Variants in NCBP2L observed in about 807,000 individuals in gnomAD.
The protein encoded by NCBP2L is nuclear cap binding protein subunit 2 like.
For synonymous variants in NCBP2L, 39 were observed against 19.2 expected (o/e 2.04, Z -2.70); for missense variants, 95 against 53.1 (o/e 1.79, Z -2.45).
At chrX:107,780,338 C>T (rs1395858114) in intron 1 of NCBP2L, among the ~76,000 whole-genome samples, 7 of 111,319 alleles carry the variant, frequency 6.3e-5, no homozygotes, top group Non-Finnish European at 1.3e-4. Context: ...GAGTTCTAGA[C>T]CAACCTCCTT....
At chrX:107,781,676 A>ATCTATCTATCTATCTATCTCTCTCTC (rs1380779020) in intron 1 of NCBP2L, among the ~76,000 whole-genome samples, 20 of 55,877 alleles carry the variant, frequency 3.6e-4, no homozygotes, top group African/African-American at 1.8e-3. Flanking sequence ...CTATCTATCT[A>ATCTATCTATCTATCTATCTCTCTCTC]TCTCTCTCTC....
At chrX:107,793,158 C>T (rs1930474732) in intron 1 of NCBP2L, among the ~76,000 whole-genome samples, 1 of 112,075 alleles carries the variant, frequency 8.9e-6, no homozygotes, top group African/African-American at 3.2e-5. Context: ...TAAGGGAATG[C>T]ACTTCCTTAG....
At chrX:107,789,134 C>A (rs1323183988) in intron 1 of NCBP2L, among the ~76,000 whole-genome samples, 9 of 109,438 alleles carry the variant, frequency 8.2e-5, no homozygotes, top group Non-Finnish European at 1.5e-4. Flanking sequence ...TGTCCTAACC[C>A]CACCCTGCCA....
chrX:107,783,799 T>C (rs776890232), intron 1 of NCBP2L, among the ~76,000 whole-genome samples: 13 of 111,178 alleles, frequency 1.2e-4, no homozygotes, highest in African/African-American at 4.3e-4. Context: ...GGAGGCCATA[T>C]ATTATTACAT....
chrX:107,794,261 T>TGG lies in NCBP2L; in HGVS notation c.42_43dup (p.Glu15GlyfsTer3). The TGG allele has an allele frequency of 3.5e-6, 2 of 564,237 alleles. No homozygotes were observed. Among genetic ancestry groups the TGG allele is most frequent in the South Asian group, 4.6e-5 (2 of 43,522 alleles). The allele number at this position is 564,237 out of a possible 1,213,427, so 46.5% of individuals were successfully genotyped here. ...AAAATTCTATGTAAAGACCCTGCTT[T>TGG]GGAGCTGAGCTGCTACCGGGACCAT... On this transcript the variant is annotated frameshift_variant, in exon 2 of 2. Transcript: ENST00000509000. LOFTEE classifies it low-confidence loss of function (END_TRUNC).
intron 1 of NCBP2L, 113 bp downstream of exon 1, chrX:107,777,971 A>T (rs1930209485): frequency 9.1e-6 from 1 of 109,498 alleles, no homozygotes; most frequent in South Asian, 3.9e-4. Flanking sequence ...CTCAAAAGCA[A>T]ACCCTTTAGA....
chrX:107,779,270 T>C (rs932358019), intron 1 of NCBP2L, among the ~76,000 whole-genome samples: 1 of 112,368 alleles, frequency 8.9e-6, no homozygotes, highest in Admixed American at 9.4e-5. Context: ...TAATGTGACA[T>C]AAAATTGTGA....
intron 1 of NCBP2L, among the ~76,000 whole-genome samples, chrX:107,784,460 T>C (rs1454371004): frequency 9.0e-6 from 1 of 110,828 alleles, no homozygotes; most frequent in South Asian, 3.8e-4. Flanking sequence ...TCATATTACA[T>C]GAAATTACAT....
rs1347178005 is a variant in NCBP2L at position 107,781,789 on chromosome X, T to G, written c.-73+3931T>G. Among the ~76,000 whole-genome samples the G allele has an allele frequency of 3.0e-5, 3 of 99,644 alleles. No individual in the cohort carries two copies. In the East Asian group the frequency reaches 9.2e-4, roughly 30 times the overall value. The allele number at this position is 99,644 out of a possible 115,157, so 86.5% of individuals were successfully genotyped here. A position where few individuals can be genotyped will look rare whatever the true frequency, so the allele number is the denominator to read the frequency against. On this transcript the variant is annotated intron_variant, in intron 1 of 1. Transcript: ENST00000509000. The stretch of plus-strand genomic sequence containing the variant: ...ATATCTATATATATAGATCTATAGA[T>G]ATCTATATTTATATATAGATATCTA...
rs1419626673 is a variant in NCBP2L at position 107,782,302 on chromosome X, TATATATATAA to T, written c.-73+4454_-73+4463del. Among the ~76,000 whole-genome samples, 58 of 29,624 alleles carry T rather than the reference TATATATATAA, an allele frequency of 2.0e-3. 11 individuals carry two copies. The highest frequency in any genetic ancestry group is 0.018 in the African/African-American group (53 of 2,963). 25.7% of individuals were successfully genotyped at this position (29,624 alleles called of 115,157 possible). ...ATATATATAAATATATATATATAAA[TATATATATAA>T]ATATATATATATAAATATATATATA... On this transcript the variant is annotated intron_variant, in intron 1 of 1. Coordinates refer to ENST00000509000, the MANE Select transcript of NCBP2L (RefSeq NM_001348372.2).
At chrX:107,790,451 G>A (rs1258135537) in intron 1 of NCBP2L, among the ~76,000 whole-genome samples, 1 of 110,427 alleles carries the variant, frequency 9.1e-6, no homozygotes, top group Non-Finnish European at 1.9e-5. Context: ...CTGCTTACTG[G>A]TACAGTCCAA....
At chrX:107,782,961 A>G (rs1453568181) in intron 1 of NCBP2L, among the ~76,000 whole-genome samples, 1 of 108,383 alleles carries the variant, frequency 9.2e-6, no homozygotes. Context: ...ATATATACAC[A>G]CCCCACAATT....
At chrX:107,791,332 G>A (rs977924292) in intron 1 of NCBP2L, among the ~76,000 whole-genome samples, 5 of 110,095 alleles carry the variant, frequency 4.5e-5, no homozygotes, top group Admixed American at 9.7e-5. Context: ...CTTCAGCCTC[G>A]ATCTCCTGGG....
chrX:107,779,097 A>G, intron 1 of NCBP2L, among the ~76,000 whole-genome samples: 1 of 111,923 alleles, frequency 8.9e-6, no homozygotes, highest in Non-Finnish European at 1.9e-5. Context: ...AAAGCAGTTC[A>G]GTGTTACTGG....
chrX:107,783,325 A>G (rs1305842482), intron 1 of NCBP2L, among the ~76,000 whole-genome samples: 1 of 103,550 alleles, frequency 9.7e-6, no homozygotes. Context: ...TCTACTACAA[A>G]TATAAAAATT....
intron 1 of NCBP2L, among the ~76,000 whole-genome samples, chrX:107,785,411 A>G (rs905199263): frequency 9.0e-6 from 1 of 111,656 alleles, no homozygotes; most frequent in African/African-American, 3.3e-5. Context: ...TATTTTCCGT[A>G]GCTAGTGCAA....
At chrX:107,792,392 C>A (rs761664212) in intron 1 of NCBP2L, among the ~76,000 whole-genome samples, 1 of 107,561 alleles carries the variant, frequency 9.3e-6, no homozygotes, top group African/African-American at 3.4e-5. Flanking sequence ...TGTTTTTTAA[C>A]GGGGCAATTT....
At chrX:107,780,895 T>G (rs763095333) in intron 1 of NCBP2L, among the ~76,000 whole-genome samples, 1 of 108,491 alleles carries the variant, frequency 9.2e-6, no homozygotes, top group East Asian at 2.9e-4. Context: ...CCCGAAGTTC[T>G]GGGATTACAG....
intron 1 of NCBP2L, among the ~76,000 whole-genome samples, chrX:107,789,625 A>C (rs1027177148): frequency 3.6e-5 from 4 of 111,238 alleles, no homozygotes; most frequent in Non-Finnish European, 7.5e-5. Context: ...AACAATGTTA[A>C]GTCTTTATTT....
Sources: allele counts gnomAD v4.1 joint callset (sites outside exome capture counted in the v4.1 genomes callset), GRCh38; gene constraint gnomAD v4.1.1; transcripts MANE v1.5; gene names NCBI Gene and HGNC (gene_info 2026-07-23, HGNC 2026-07-21).